Variants in RTEL1 observed in about 807,000 individuals in gnomAD.
The protein encoded by RTEL1 is regulator of telomere length.
A neutral mutation model predicts 162.2 loss-of-function variants in RTEL1; 86 were observed. That is an observed-to-expected ratio of 0.53 (90% CI 0.45 to 0.63). RTEL1 has a LOEUF of 0.63. Among genes scored for constraint, RTEL1 ranks in the 30% least tolerant of loss-of-function variants. The pLI is 0.00. For missense variants in RTEL1, 1,941 were observed against 1,750.2 expected (o/e 1.11, Z -1.95); for synonymous variants, 958 against 717.9 (o/e 1.33, Z -5.35).
In RTEL1 at chr20:63,695,537, C is replaced by T. The variant is rs1455414990; in HGVS notation, c.3709C>T (p.Pro1237Ser). Residue 1237 changes from proline (P) to serine (S), a missense_variant, in exon 34 of 35, where the codon CCC becomes TCC. Physicochemically the swap from Pro to Ser is moderately conservative, Grantham distance 74 (BLOSUM62 -1). Coordinates refer to ENST00000360203, the MANE Select transcript of RTEL1 (RefSeq NM_001283009.2). The part of the protein sequence containing the change: ...GQQATGAPGG[P>S]LSAGCVCQGC... ...GCAGGCCACGGGAGCTCCGGGCGGG[C>T]CCCTCTCAGCAGGCTGTGTGTGCCA... 3.1e-6 allele frequency: 5 copies of T among 1,612,240 alleles called. No homozygotes were observed. The highest frequency in any genetic ancestry group is 2.2e-5 in the East Asian group (1 of 44,864).
intron 2 of RTEL1, among the ~76,000 whole-genome samples, chr20:63,659,886 C>G (rs1242119554): frequency 1.3e-5 from 2 of 152,214 alleles, no homozygotes; most frequent in East Asian, 1.9e-4. Flanking sequence ...TTTTCACTAT[C>G]TCAGCAAGAG....
Position 63,691,834 on chromosome 20 carries a change from C to G in RTEL1, c.2649C>G (p.His883Gln), listed in dbSNP as rs990606821. Residue 883 changes from histidine (H) to glutamine (Q), a missense_variant, in exon 28 of 35, where the codon CAC (histidine) becomes CAG (glutamine). Coordinates refer to ENST00000360203, the MANE Select transcript of RTEL1 (RefSeq NM_001283009.2). ...GGAAGAAGATCCGGCTGGTCAGCCACCCGGTGCGTGAGCTGTCCCTGCACC... is the reference window on the plus strand; with the variant it reads ...GGAAGAAGATCCGGCTGGTCAGCCAGCCGGTGCGTGAGCTGTCCCTGCACC... ...GGRKKIRLVSHPEEPVAGAQT... is the reference protein window; with the variant it reads ...GGRKKIRLVSQPEEPVAGAQT... The G allele has an allele frequency of 6.2e-7, 1 of 1,609,502 alleles. No individual in the cohort carries two copies. Among genetic ancestry groups the G allele is most frequent in the African/African-American group, 1.3e-5 (1 of 74,898 alleles).
Position 63,659,296 on chromosome 20 carries a change from T to C in RTEL1, c.-107T>C. ...GTCCCAGTGCACATGCTCGCATCGC[T>C]TACCAGGAGTGCCCGAGACCCTAAG... On this transcript the variant is annotated 5_prime_UTR_variant, in exon 2 of 35. Coordinates refer to ENST00000360203, the MANE Select transcript of RTEL1 (RefSeq NM_001283009.2). The C allele has an allele frequency of 1.3e-6, 1 of 751,700 alleles. No homozygotes were observed. The highest frequency in any genetic ancestry group is 2.6e-5 in the East Asian group (1 of 38,758). 46.6% of individuals were successfully genotyped at this position (751,700 alleles called of 1,614,324 possible). A position where few individuals can be genotyped will look rare whatever the true frequency, so the allele number is the denominator to read the frequency against.
At chr20:63,693,510 TCCTC>T (rs2090851384) in intron 30 of RTEL1, among the ~76,000 whole-genome samples, 1 of 4,386 alleles carries the variant, frequency 2.3e-4, no homozygotes, top group African/African-American at 1.6e-3. Context: ...CACCACCACC[TCCTC>T]CACCACCACC....
chr20:63,661,811 T>C lies in RTEL1; in HGVS notation c.302-39T>C, dbSNP rs2090025961. The stretch of plus-strand genomic sequence containing the variant: ...GCCTTTGATACGTGAGAACGTTGTC[T>C]GAGAACCGTGACTTCTGTGCTTGCT... On this transcript the variant is annotated intron_variant, in intron 3 of 34. Coordinates refer to ENST00000360203, the MANE Select transcript of RTEL1 (RefSeq NM_001283009.2). This position sits in a 1 kb window ranked among gnomAD's most constrained non-coding sequence, Gnocchi z 5.1. 2.5e-6 allele frequency: 4 copies of C among 1,574,114 alleles called. No individual in the cohort carries two copies. Among genetic ancestry groups the C allele is most frequent in the Non-Finnish European group, 3.5e-6 (4 of 1,143,620 alleles).
chr20:63,681,912 A>G lies in RTEL1; in HGVS notation c.1191+1193A>G, dbSNP rs575041751. The G allele has an allele frequency of 1.4e-5, 14 of 985,340 alleles. No homozygotes were observed. The South Asian group carries it at 5.6e-4, about 40-fold the overall frequency. The allele number at this position is 985,340 out of a possible 1,614,324, so 61.0% of individuals were successfully genotyped here. ...CTCTGTCTGTGGCTCCTGCCTGCCA[A>G]GGGCTGCTGTGCTGTCCCGCATGGA... On this transcript the variant is annotated intron_variant, in intron 14 of 34. Coordinates refer to ENST00000360203, the MANE Select transcript of RTEL1 (RefSeq NM_001283009.2).
At chr20:63,692,601 T>C in intron 28 of RTEL1, 1 of 600,444 alleles carries the variant, frequency 1.7e-6, no homozygotes, top group East Asian at 2.8e-5. Context: ...CCTCTCACTG[T>C]GTGACCTCAG....
chr20:63,689,377 C>T (rs2090671229), intron 22 of RTEL1, 125 bp from the exon 23 acceptor site: 2 of 1,204,250 alleles, frequency 1.7e-6, no homozygotes, highest in African/African-American at 3.1e-5. Context: ...GGTCCTGACC[C>T]ACAGATGGAG....
chr20:63,690,478 T>TGGGGGGGGG, intron 26 of RTEL1, 37 bp downstream of exon 26: 2 of 553,860 alleles, frequency 3.6e-6, no homozygotes, highest in Non-Finnish European at 5.7e-6. Flanking sequence ...GGTGTGGGGG[T>TGGGGGGGGG]GGCGGAGCGG....
chr20:63,694,805 C>T lies in RTEL1; in HGVS notation c.3174C>T (p.His1058=), dbSNP rs146247083. The T allele has an allele frequency of 6.6e-5, 106 of 1,612,244 alleles. No homozygotes were observed. Among genetic ancestry groups the T allele is most frequent in the African/African-American group, 3.7e-4 (28 of 74,936 alleles). The change falls in exon 32 of 35, where the codon CAC becomes CAT. Residue 1058 remains histidine, a synonymous_variant. Transcript: ENST00000360203. ...CCAGAGCAGGGAAGCAGGGCCAGCA[C>T]GCCGTGAGCGCCTACCTGGCTGATG... is the stretch of plus-strand genomic sequence containing the variant. ...GVPRAGKQGQ[H]AVSAYLADAR...
In RTEL1 at chr20:63,682,627, G is replaced by A. The variant is rs979027596; in HGVS notation, c.1191+1908G>A. ...TGGAGGATGAGGGACTGCACACAGT[G>A]CTCACCCGCGTTGGCTCCTGAGCCC... On this transcript the variant is annotated intron_variant, in intron 14 of 34. Transcript: ENST00000360203. 20 of 985,704 alleles carry A rather than the reference G, an allele frequency of 2.0e-5. No homozygotes were observed. In the African/African-American group the frequency reaches 3.0e-4, roughly 15 times the overall value. 61.1% of individuals were successfully genotyped at this position (985,704 alleles called of 1,614,324 possible).
At chr20:63,688,706 G>C in intron 21 of RTEL1, 101 bp downstream of exon 21, 3 of 1,090,876 alleles carry the variant, frequency 2.8e-6, no homozygotes, top group South Asian at 2.9e-5. Context: ...CATGGGCTCC[G>C]GCGGCTCCCG....
chr20:63,685,608 C>T lies in RTEL1; in HGVS notation c.1266+11C>T, dbSNP rs2090575166. The T allele has an allele frequency of 2.5e-6, 4 of 1,608,482 alleles. No individual in the cohort carries two copies. The highest frequency in any genetic ancestry group is 4.5e-5 in the East Asian group (2 of 44,710). ...TTACAGTCCTATAAGGTAGGGGCCA[C>T]CTCCAGGAGGCAGGTGGAGGGCAGC... On this transcript the variant is annotated intron_variant, in intron 15 of 34. Transcript: ENST00000360203.
At chr20:63,692,784 C>T (rs2090783657) in intron 28 of RTEL1, 21 bp from the exon 29 acceptor site, 1 of 1,602,164 alleles carries the variant, frequency 6.2e-7, no homozygotes, top group Admixed American at 1.7e-5. Context: ...CCTGATGGAG[C>T]CTCGGGCCTG....
chr20:63,695,713 A>C, intron 34 of RTEL1, 63 bp downstream of exon 34: 1 of 1,605,134 alleles, frequency 6.2e-7, no homozygotes, highest in Non-Finnish European at 8.5e-7. Flanking sequence ...TGAGGGGGAA[A>C]GGGCAGGCCC....
rs201617354 is a variant in RTEL1, at chr20:63,695,227, G to C, written c.3499+6G>C. ...CCACAGGGCTCCCCAACCAGGTAGGGCACCTGCCTGGCTGCTCCTGGCAGC... is the reference window on the plus strand; with the variant it reads ...CCACAGGGCTCCCCAACCAGGTAGGCCACCTGCCTGGCTGCTCCTGGCAGC... On this transcript the variant is annotated splice_donor_region_variant and intron_variant, in intron 33 of 34. Transcript: ENST00000360203. 3 of 1,610,054 alleles carry C rather than the reference G, an allele frequency of 1.9e-6. No homozygotes were observed. Among genetic ancestry groups the C allele is most frequent in the Middle Eastern group, 1.7e-4 (1 of 6,048 alleles).
In RTEL1 at chr20:63,668,865, C is replaced by G. The variant is rs191106009; in HGVS notation, c.699+1312C>G. On this transcript the variant is annotated intron_variant, in intron 8 of 34. Transcript: ENST00000360203. The surrounding 1 kb of genome is among the most constrained non-coding windows in gnomAD (Gnocchi z 4.3). ...AAGAAGAACAGAGCTGGAGGACTCA[C>G]CTCGCTGGTTTCAAGACTCCTCTAA... Among the ~76,000 whole-genome samples, 2 of 152,348 alleles carry G rather than the reference C, an allele frequency of 1.3e-5. No homozygotes were observed. The highest frequency in any genetic ancestry group is 1.3e-4 in the Admixed American group (2 of 15,304).
intron 30 of RTEL1, among the ~76,000 whole-genome samples, chr20:63,694,018 T>C (rs1329633342): frequency 6.6e-6 from 1 of 151,912 alleles, no homozygotes; most frequent in Non-Finnish European, 1.5e-5. Flanking sequence ...CGTGTGTTAA[T>C]GAACAGCCCC....
chr20:63,695,418 G>C lies in RTEL1; in HGVS notation c.3590G>C (p.Gly1197Ala), dbSNP rs138500086. ...CCAGCAGGGACTGTGGGGGCGGGCGGTGAGGATGCAGGTCCCAGCCAGTCC... is the reference window on the plus strand; with the variant it reads ...CCAGCAGGGACTGTGGGGGCGGGCGCTGAGGATGCAGGTCCCAGCCAGTCC... Reference protein sequence around the residue: ...QRPAGTVGAGGEDAGPSQSSG... With the variant: ...QRPAGTVGAGAEDAGPSQSSG... Residue 1197 changes from glycine (G) to alanine (A), a missense_variant, in exon 34 of 35, where the codon GGT (glycine) becomes GCT (alanine). By Grantham distance (60) the Gly-to-Ala change is moderately conservative (BLOSUM62 0). Transcript: ENST00000360203. The C allele has an allele frequency of 1.1e-4, 176 of 1,562,816 alleles. 1 individual carries two copies. In the Admixed American group the frequency reaches 1.4e-3, roughly 12 times the overall value.
Sources: gnomAD v4.1 joint callset for allele counts (sites outside exome capture counted in the v4.1 genomes callset) on GRCh38, gnomAD v4.1.1 for gene constraint, Gnocchi (gnomAD v3.1) non-coding constraint, MANE v1.5 for transcripts, NCBI Gene and HGNC (gene_info 2026-07-23, HGNC 2026-07-21) for gene names.